DAAM2: variants seen among roughly 807,000 people sequenced by gnomAD.
DAAM2 encodes the protein dishevelled associated activator of morphogenesis 2.
A neutral mutation model predicts 120.7 loss-of-function variants in DAAM2; 39 were observed. The observed-to-expected ratio is 0.32, with a 90% CI of 0.25 to 0.42. The LOEUF (loss-of-function observed/expected upper bound fraction) is 0.42. Among genes scored for constraint, DAAM2 ranks in the 10% least tolerant of loss-of-function variants. DAAM2 has a pLI of 1.00. For missense variants in DAAM2, 1,283 were observed against 1,401.7 expected, an observed-to-expected ratio of 0.92 and a Z score of 1.35; for synonymous variants, 488 against 524.9, an observed-to-expected ratio of 0.93 and a Z score of 0.96.
At position 39,901,939 on chromosome 6, in the gene DAAM2, G is replaced by A. The variant is rs746993253; in HGVS notation, c.3109G>A (p.Asp1037Asn). ...GGCCCTGCGCTCTGGGGAGGTCTTC[G>A]ACAAGGACTTATGCAAGCTCAAGCG... ...VSALRSGEVF[D>N]KDLCKLKRSR... The change falls in exon 25 of 25, where the codon GAC becomes AAC. Residue 1037 changes from aspartate to asparagine, a missense_variant. Around this residue, in one of 3 missense-constraint regions of DAAM2, gnomAD observed 748 missense variants for 768.6 expected, o/e 0.97. Coordinates refer to ENST00000274867, the MANE Select transcript of DAAM2 (RefSeq NM_001201427.2). The surrounding 1 kb of genome is among the most constrained non-coding windows in gnomAD (Gnocchi z 4.5). 15 of 1,611,864 alleles carry A rather than the reference G, an allele frequency of 9.3e-6. No individual in the cohort carries two copies. The highest frequency in any genetic ancestry group is 1.6e-4 in the Middle Eastern group (1 of 6,076).
Position 39,792,436 on chromosome 6 carries a change from CG to C in DAAM2, c.-83del, listed in dbSNP as rs1315400026. On this transcript the variant is annotated 5_prime_UTR_variant, in exon 1 of 25. Coordinates refer to ENST00000274867, the MANE Select transcript of DAAM2 (RefSeq NM_001201427.2). ...GGCGGCGGCGCCGTACCTCGGGCTG[CG>C]GGAGCGCGGGCGCCCTGGGGTCCTC... 1.3e-5 allele frequency: 2 copies of C among 152,090 alleles called. No individual in the cohort carries two copies. Among genetic ancestry groups the C allele is most frequent in the Non-Finnish European group, 2.9e-5 (2 of 68,034 alleles). The allele number at this position is 152,090 out of a possible 1,614,324, so 9.4% of individuals were successfully genotyped here. A position where few individuals can be genotyped will look rare whatever the true frequency, so the allele number is the denominator to read the frequency against.
chr6:39,897,159 T>G lies in DAAM2; in HGVS notation c.2511-16T>G. ...TTTCCTCTGTCACTTACCACTGACC[T>G]GACTTTCATCCACAGAAACATCTCT... is the stretch of plus-strand genomic sequence containing the variant. On this transcript the variant is annotated splice_polypyrimidine_tract_variant and intron_variant, in intron 20 of 24. Coordinates refer to ENST00000274867, the MANE Select transcript of DAAM2 (RefSeq NM_001201427.2). 7 of 1,599,810 alleles carry G rather than the reference T, an allele frequency of 4.4e-6. No individual in the cohort carries two copies. The highest frequency in any genetic ancestry group is 6.0e-6 in the Non-Finnish European group (7 of 1,167,318).
At chr6:39,867,976 T>A in intron 6 of DAAM2, 133 bp downstream of exon 6, 1 of 794,498 alleles carries the variant, frequency 1.3e-6, no homozygotes, top group Non-Finnish European at 2.0e-6. Flanking sequence ...TGCCTGCTCC[T>A]GGAAGGTAAC....
At chr6:39,891,525 A>C (rs1187340113) in intron 18 of DAAM2, 78 bp downstream of exon 18, 5 of 1,504,636 alleles carry the variant, frequency 3.3e-6, no homozygotes, top group Non-Finnish European at 4.5e-6. Context: ...GCCAAGAGGA[A>C]GGGGATGGAG....
At chr6:39,825,365 G>A (rs1762629616) in intron 1 of DAAM2, among the ~76,000 whole-genome samples, 2 of 140,284 alleles carry the variant, frequency 1.4e-5, no homozygotes, top group African/African-American at 5.4e-5. Context: ...CTCCAGCTGG[G>A]TGACAGAGCA....
chr6:39,793,819 C>T (rs969991854), intron 1 of DAAM2, among the ~76,000 whole-genome samples: 1 of 152,164 alleles, frequency 6.6e-6, no homozygotes, highest in Non-Finnish European at 1.5e-5. Flanking sequence ...GTTCCACAAA[C>T]GAGTGACCAC....
rs778111996 is a variant in DAAM2 at position 39,878,299 on chromosome 6, T to A, written c.1360+38T>A. On this transcript the variant is annotated intron_variant, in intron 12 of 24. Transcript: ENST00000274867. This position sits in a 1 kb window ranked among gnomAD's most constrained non-coding sequence, Gnocchi z 5.0. The stretch of plus-strand genomic sequence containing the variant: ...GCTTAAGCCTGCTGTCCACTCCACA[T>A]GCCCTTCCCCTGCCCAGCCCATAAC... The A allele has an allele frequency of 1.1e-5, 18 of 1,613,066 alleles. No individual in the cohort carries two copies. The highest frequency in any genetic ancestry group is 1.5e-5 in the Non-Finnish European group (18 of 1,179,368).
chr6:39,834,123 C>T (rs981240506), intron 1 of DAAM2, among the ~76,000 whole-genome samples: 2 of 152,256 alleles, frequency 1.3e-5, no homozygotes, highest in East Asian at 1.9e-4. Context: ...CACTCAGTGA[C>T]GTGTGATGTA....
chr6:39,901,297 G>A lies in DAAM2; in HGVS notation c.2812-5G>A. On this transcript the variant is annotated splice_region_variant and splice_polypyrimidine_tract_variant and intron_variant, in intron 23 of 24. Transcript: ENST00000274867. This position sits in a 1 kb window ranked among gnomAD's most constrained non-coding sequence, Gnocchi z 4.5. Reference sequence around the variant, plus strand: ...CTCCACCAATCCTGTTCTGTCCCTTGACAGTTCGCCAAGGCCTTGATGCAC... The same window carrying A: ...CTCCACCAATCCTGTTCTGTCCCTTAACAGTTCGCCAAGGCCTTGATGCAC... 1 of 1,612,508 alleles carries A rather than the reference G, an allele frequency of 6.2e-7. No individual in the cohort carries two copies. The highest frequency in any genetic ancestry group is 8.5e-7 in the Non-Finnish European group (1 of 1,179,022).
chr6:39,861,841 T>G (rs576632553), intron 3 of DAAM2: 1 of 152,932 alleles, frequency 6.5e-6, no homozygotes, highest in East Asian at 1.9e-4. Context: ...GCCTGGCTAT[T>G]CCCACGCCTG....
At chr6:39,800,940 T>G (rs1361914150) in intron 1 of DAAM2, among the ~76,000 whole-genome samples, 1 of 151,974 alleles carries the variant, frequency 6.6e-6, no homozygotes, top group Non-Finnish European at 1.5e-5. Flanking sequence ...CATCCCAGAG[T>G]CTGCATCCCA....
Position 39,879,284 on chromosome 6 carries a change from G to A in DAAM2, c.1652G>A (p.Cys551Tyr). Residue 551 changes from cysteine (C) to tyrosine (Y), a missense_variant, in exon 14 of 25, where the codon TGT becomes TAT. Physicochemically the swap from Cys to Tyr is radical, Grantham distance 194. Transcript: ENST00000274867. ...CCCCCTCCTCCTCTGCCCTTTGCCT[G>A]TTGTCCCCCTCCCCCACCACCACCC... Reference protein sequence around the residue: ...PPPPPPLPFACCPPPPPPPLP... With the variant: ...PPPPPPLPFAYCPPPPPPPLP... The A allele has an allele frequency of 4.1e-6, 6 of 1,476,642 alleles. No homozygotes were observed. Among genetic ancestry groups the A allele is most frequent in the Non-Finnish European group, 5.5e-6 (6 of 1,082,552 alleles). The allele number at this position is 1,476,642 out of a possible 1,614,324, so 91.5% of individuals were successfully genotyped here.
At chr6:39,883,027 C>T (rs995136329) in intron 14 of DAAM2, among the ~76,000 whole-genome samples, 11 of 152,238 alleles carry the variant, frequency 7.2e-5, no homozygotes, top group South Asian at 2.1e-4. Flanking sequence ...TCCCCAGCTG[C>T]GCTCTAGGTA....
In DAAM2 at chr6:39,878,619, G is replaced by A. The variant is rs1305190652; in HGVS notation, c.1545+31G>A. 1 of 1,575,016 alleles carries A rather than the reference G, an allele frequency of 6.3e-7. No individual in the cohort carries two copies. The highest frequency in any genetic ancestry group is 2.4e-5 in the East Asian group (1 of 42,308). ...CAAGCATCTCCCCCTTTACATAGTT[G>A]AGCCAAGACCCTGGGCTTCAGGACT... On this transcript the variant is annotated intron_variant, in intron 13 of 24. Transcript: ENST00000274867. The surrounding 1 kb of genome is among the most constrained non-coding windows in gnomAD (Gnocchi z 5.0).
chr6:39,891,792 G>A, intron 19 of DAAM2, 70 bp downstream of exon 19: 1 of 1,234,412 alleles, frequency 8.1e-7, no homozygotes, highest in Admixed American at 2.0e-5. Flanking sequence ...GTGGGAGCCA[G>A]TGAATAGGGG....
rs185178498 is a variant in DAAM2, at chr6:39,880,240, G to C, written c.1845+763G>C. On this transcript the variant is annotated intron_variant, in intron 14 of 24. Coordinates refer to ENST00000274867, the MANE Select transcript of DAAM2 (RefSeq NM_001201427.2). The stretch of plus-strand genomic sequence containing the variant: ...TTAGGTTGGCTCACTGGGATTTGAA[G>C]CTGGGATGAATGGATTCCACACTGA... Among the ~76,000 whole-genome samples, 32 of 152,350 alleles carry C rather than the reference G, an allele frequency of 2.1e-4. 1 individual carries two copies. The highest frequency in any genetic ancestry group is 2.0e-3 in the Admixed American group (30 of 15,308).
At chr6:39,828,351 A>G (rs1313567735) in intron 1 of DAAM2, among the ~76,000 whole-genome samples, 1 of 152,184 alleles carries the variant, frequency 6.6e-6, no homozygotes, top group African/African-American at 2.4e-5. Context: ...GAAAAACTGT[A>G]AAGAGCATAG....
chr6:39,876,897 G>A (rs1764895746), intron 11 of DAAM2, among the ~76,000 whole-genome samples: 1 of 152,200 alleles, frequency 6.6e-6, no homozygotes, highest in Non-Finnish European at 1.5e-5. Flanking sequence ...GAGGGAAAAG[G>A]TCTTACTTGA....
intron 1 of DAAM2, among the ~76,000 whole-genome samples, chr6:39,832,008 G>T (rs1242155462): frequency 9.0e-5 from 13 of 143,932 alleles, no homozygotes; most frequent in Non-Finnish European, 7.6e-5. Context: ...GGGGAGGCAG[G>T]TATACTGGAG....
Sources: gnomAD v4.1 joint callset for allele counts (sites outside exome capture counted in the v4.1 genomes callset) on GRCh38, gnomAD v4.1.1 for gene constraint, gnomAD v4.1.1 regional missense constraint, Gnocchi (gnomAD v3.1) non-coding constraint, MANE v1.5 for transcripts, NCBI Gene and HGNC (gene_info 2026-07-23, HGNC 2026-07-21) for gene names.